The following TCF3 variants were observed in gnomAD, a reference collection of about 807,000 sequenced individuals.
TCF3 encodes the protein transcription factor 3, also known as transcription factor E2-alpha.
Under a neutral mutation model 72.3 loss-of-function variants are expected in TCF3, and 54 were observed. The ratio of observed to expected loss-of-function variants is 0.75; its 90% CI spans 0.60 to 0.94. TCF3 has a LOEUF of 0.94. Among genes scored for constraint, TCF3 ranks in the 40% least tolerant of loss-of-function variants. TCF3 has a pLI of 0.00. For missense variants in TCF3, 1,078 were observed against 934.4 expected, an observed-to-expected ratio of 1.15 and a Z score of -2.00; for synonymous variants, 525 against 412.6, an observed-to-expected ratio of 1.27 and a Z score of -3.30.
In TCF3 at chr19:1,616,041, G is replaced by A. The variant is rs78614638; in HGVS notation, c.1451-220C>T. 5.1e-4 allele frequency among the ~76,000 whole-genome samples: 78 copies of A among 152,324 alleles called. No homozygotes were observed. The East Asian group carries it at 0.012, about 24-fold the overall frequency. On this transcript the variant is annotated intron_variant, in intron 16 of 18. Transcript: ENST00000262965. ...AGGACCACAAGATGAAAGGGAAACA[G>A]TTTTACCACCTTTGGAACAAAGTGT...
chr19:1,612,529 T>C (rs1337694581), intron 18 of TCF3: 3 of 1,237,390 alleles, frequency 2.4e-6, no homozygotes, highest in South Asian at 2.7e-5. Flanking sequence ...TACTTGTGTT[T>C]GTGCTGGTGT....
rs114959285 is a variant in TCF3 at position 1,632,637 on chromosome 19, G to A, written c.146-232C>T. 6.2e-3 allele frequency among the ~76,000 whole-genome samples: 936 copies of A among 152,096 alleles called. 16 individuals are homozygous for A. Among genetic ancestry groups the A allele is most frequent in the African/African-American group, 0.021 (879 of 41,478 alleles). Reference sequence around the variant, plus strand: ...ATAAACTTAAATTAACTCTTCCGTCGGCTCTCTGCTGGCCAACTCCTACCC... The same window carrying A: ...ATAAACTTAAATTAACTCTTCCGTCAGCTCTCTGCTGGCCAACTCCTACCC... On this transcript the variant is annotated intron_variant, in intron 3 of 18. Coordinates refer to ENST00000262965, the MANE Select transcript of TCF3 (RefSeq NM_003200.5).
intron 3 of TCF3, among the ~76,000 whole-genome samples, chr19:1,636,244 C>G (rs1382423783): frequency 1.3e-5 from 2 of 152,120 alleles, no homozygotes; most frequent in Admixed American, 6.5e-5. Context: ...ACTGCAACCT[C>G]CGCCTCCTGG....
rs1325571277 is a variant in TCF3 at position 1,611,313 on chromosome 19, A to AT, written c.*393dup. 5.3e-6 allele frequency: 2 copies of AT among 379,836 alleles called. No homozygotes were observed. The highest frequency in any genetic ancestry group is 3.8e-5 in the East Asian group (1 of 26,378). 23.5% of individuals were successfully genotyped at this position (379,836 alleles called of 1,614,324 possible). A position where few individuals can be genotyped will look rare whatever the true frequency, so the allele number is the denominator to read the frequency against. ...TTTCTCCGCTTTTTATAGTTAAGGC[A>AT]TTTTTTTCTTCTCTGACAAAGTGTA... is the stretch of plus-strand genomic sequence containing the variant. On this transcript the variant is annotated 3_prime_UTR_variant, in exon 19 of 19. Transcript: ENST00000262965.
rs749225907 is a variant in TCF3, at chr19:1,615,484, C to T, written c.1623G>A (p.Glu541=). The T allele has an allele frequency of 5.6e-6, 9 of 1,611,178 alleles. No individual in the cohort carries two copies. Among genetic ancestry groups the T allele is most frequent in the Non-Finnish European group, 7.6e-6 (9 of 1,179,878 alleles). ...GCTCCTTCTCCCGCTCGGCCTTCTG[C>T]TCTGGGGGGAGAAGGTCGTCCTCGT... ...DEDEDDLLPP[E]QKAEREKERR... The change falls in exon 18 of 19, where the codon GAG becomes GAA. Residue 541 remains glutamate (E), a synonymous_variant. Coordinates refer to ENST00000262965, the MANE Select transcript of TCF3 (RefSeq NM_003200.5). This position sits in a 1 kb window ranked among gnomAD's most constrained non-coding sequence, Gnocchi z 7.3.
In TCF3 at chr19:1,622,224, C is replaced by T; in HGVS notation, c.653-1G>A. ...TCGGCTGAGGGGTGCAGGCTGCCAT[C>T]TGTGGAGGGGAGCTGGTAAGGTGGG... is the stretch of plus-strand genomic sequence containing the variant. On this transcript the variant is annotated splice_acceptor_variant, in intron 9 of 18. Coordinates refer to ENST00000262965, the MANE Select transcript of TCF3 (RefSeq NM_003200.5). LOFTEE classifies it high-confidence loss of function. The T allele has an allele frequency of 6.5e-7, 1 of 1,545,050 alleles. No individual in the cohort carries two copies.
Position 1,615,793 on chromosome 19 carries a change from G to A in TCF3, c.1479C>T (p.Ala493=), listed in dbSNP as rs750805419. ...SGLGRAGATA[A]ASEIKREEKE... is the part of the protein sequence containing the mutation. ...TCTCCTCCCGCTTGATCTCGCTGGCGGCCGCCGTGGCACCTGCTCGCCCTA... is the reference window on the plus strand; with the variant it reads ...TCTCCTCCCGCTTGATCTCGCTGGCAGCCGCCGTGGCACCTGCTCGCCCTA... The change falls in exon 17 of 19, where the codon GCC becomes GCT. Residue 493 remains alanine (A), a synonymous_variant. Transcript: ENST00000262965. This position sits in a 1 kb window ranked among gnomAD's most constrained non-coding sequence, Gnocchi z 7.3. 71 of 1,576,630 alleles carry A rather than the reference G, an allele frequency of 4.5e-5. No homozygotes were observed. Among genetic ancestry groups the A allele is most frequent in the Non-Finnish European group, 5.0e-5 (58 of 1,157,990 alleles).
At chr19:1,642,236 G>A (rs369320637) in intron 3 of TCF3, among the ~76,000 whole-genome samples, 2 of 146,016 alleles carry the variant, frequency 1.4e-5, no homozygotes, top group Non-Finnish European at 3.0e-5. Flanking sequence ...AGACACGCAC[G>A]CGCAGACGCA....
intron 3 of TCF3, among the ~76,000 whole-genome samples, chr19:1,634,860 G>A (rs766715675): frequency 1.3e-5 from 2 of 152,192 alleles, no homozygotes; most frequent in African/African-American, 4.8e-5. Context: ...TACTATCAAC[G>A]GCTGCTTTTG....
chr19:1,619,624 A>G (rs2146009557), intron 14 of TCF3, 150 bp from the exon 15 acceptor site: 1 of 1,327,382 alleles, frequency 7.5e-7, no homozygotes, highest in Non-Finnish European at 1.0e-6. Flanking sequence ...GCCCGGGAGC[A>G]CACACAAAAT....
At chr19:1,646,313 TCTC>T (rs1555780492) in intron 3 of TCF3, 39 bp downstream of exon 3, 1 of 1,540,482 alleles carries the variant, frequency 6.5e-7, no homozygotes, top group South Asian at 1.2e-5. Flanking sequence ...AGACCCTTGA[TCTC>T]CTCACTCCAC....
intron 3 of TCF3, among the ~76,000 whole-genome samples, chr19:1,636,108 CAG>C (rs1171834836): frequency 1.3e-5 from 2 of 152,234 alleles, no homozygotes; most frequent in African/African-American, 2.4e-5. Context: ...TGAGATCAGA[CAG>C]AGGTTTGAAT....
intron 16 of TCF3, among the ~76,000 whole-genome samples, chr19:1,617,583 C>T (rs1346188967): frequency 1.3e-5 from 2 of 152,226 alleles, no homozygotes; most frequent in Non-Finnish European, 2.9e-5. Flanking sequence ...CCCTGAGACC[C>T]CCGTACCCTG....
chr19:1,623,312 G>A (rs1392663460), intron 8 of TCF3, among the ~76,000 whole-genome samples: 1 of 152,036 alleles, frequency 6.6e-6, no homozygotes, highest in East Asian at 1.9e-4. Context: ...GGCCTGGTAG[G>A]GAGGCAGGGA....
At chr19:1,629,459 A>G (rs1471203094) in intron 5 of TCF3, among the ~76,000 whole-genome samples, 1 of 151,982 alleles carries the variant, frequency 6.6e-6, no homozygotes, top group Non-Finnish European at 1.5e-5. Context: ...CCTCGGGGCT[A>G]CGGAGGGGGT....
chr19:1,611,360 G>A lies in TCF3; in HGVS notation c.*347C>T, dbSNP rs1219791424. ...TGTATGTTTTGTTGCTTGCTTTCAG[G>A]TTTTGTTTACTGGAAAAAAAAAAAA... On this transcript the variant is annotated 3_prime_UTR_variant, in exon 19 of 19. Transcript: ENST00000262965. 1.3e-5 allele frequency: 5 copies of A among 399,244 alleles called. No individual in the cohort carries two copies. The highest frequency in any genetic ancestry group is 8.4e-5 in the African/African-American group (4 of 47,518). The allele number at this position is 399,244 out of a possible 1,614,324, so 24.7% of individuals were successfully genotyped here.
chr19:1,644,854 AG>A (rs1568496977), intron 3 of TCF3, among the ~76,000 whole-genome samples: 1 of 144,288 alleles, frequency 6.9e-6, no homozygotes, highest in African/African-American at 2.5e-5. Flanking sequence ...GAGGCCCAGG[AG>A]AATGGGGGTG....
intron 13 of TCF3, among the ~76,000 whole-genome samples, 156 bp downstream of exon 13, chr19:1,620,812 G>A (rs763555203): frequency 6.6e-6 from 1 of 152,174 alleles, no homozygotes; most frequent in Admixed American, 6.5e-5. Context: ...GCCCTTGGGG[G>A]CCATCTGCTC....
chr19:1,613,549 G>A (rs774771406), intron 18 of TCF3, among the ~76,000 whole-genome samples: 2 of 152,218 alleles, frequency 1.3e-5, no homozygotes, highest in African/African-American at 4.8e-5. Context: ...AGCCACTTGC[G>A]GGGTGATGGA....
Sources: gnomAD v4.1 joint callset for allele counts (sites outside exome capture counted in the v4.1 genomes callset) on GRCh38, gnomAD v4.1.1 for gene constraint, Gnocchi (gnomAD v3.1) non-coding constraint, MANE v1.5 for transcripts, NCBI Gene and HGNC (gene_info 2026-07-23, HGNC 2026-07-21) for gene names.